TNRC6A: variants seen among roughly 807,000 people sequenced by gnomAD.
The protein encoded by TNRC6A is trinucleotide repeat-containing gene 6A protein.
Under a neutral mutation model 221.2 loss-of-function variants are expected in TNRC6A, and 44 were observed. The ratio of observed to expected loss-of-function variants is 0.20; its 90% CI spans 0.16 to 0.26. The LOEUF (loss-of-function observed/expected upper bound fraction) is 0.26. Among genes scored for constraint, TNRC6A ranks in the 10% least tolerant of loss-of-function variants. The probability of loss-of-function intolerance (pLI) is 1.00; values close to 1 mark genes in which losing one functional copy is unlikely to be tolerated. For missense variants in TNRC6A, 2,199 were observed against 2,404.4 expected, an observed-to-expected ratio of 0.91 and a Z score of 1.79; for synonymous variants, 847 against 838.5, an observed-to-expected ratio of 1.01 and a Z score of -0.18.
intron 2 of TNRC6A, among the ~76,000 whole-genome samples, chr16:24,709,952 G>C (rs1338435077): frequency 1.1e-4 from 17 of 151,960 alleles, no homozygotes; most frequent in Non-Finnish European, 1.8e-4. Context: ...AATATGCTGG[G>C]CGCAGTGGTT....
chr16:24,648,137 G>A (rs1285912430), intron 2 of TNRC6A, among the ~76,000 whole-genome samples: 2 of 152,050 alleles, frequency 1.3e-5, no homozygotes, highest in Non-Finnish European at 2.9e-5. Context: ...TGGGAATAAT[G>A]CTGCCATGAA....
At chr16:24,656,475 AAAAAAAG>A in intron 2 of TNRC6A, among the ~76,000 whole-genome samples, 1 of 151,632 alleles carries the variant, frequency 6.6e-6, no homozygotes, top group East Asian at 1.9e-4. Flanking sequence ...TCAAAAAAAA[AAAAAAAG>A]AGAGAGAGAG....
At chr16:24,663,947 G>A (rs2055089819) in intron 2 of TNRC6A, 2 of 456,582 alleles carry the variant, frequency 4.4e-6, no homozygotes, top group African/African-American at 4.0e-5. Context: ...CAGGTGAAGA[G>A]CCAGTCCTTC....
intron 2 of TNRC6A, among the ~76,000 whole-genome samples, chr16:24,723,446 C>T (rs2056444666): frequency 6.6e-6 from 1 of 151,956 alleles, no homozygotes; most frequent in Non-Finnish European, 1.5e-5. Flanking sequence ...ATACAAAAAT[C>T]AGCTGGGTGT....
chr16:24,791,472 C>A lies in TNRC6A; in HGVS notation c.2830C>A (p.Pro944Thr). ...WGDSSKPVSS[P>T]DWNKQQDIVG... ...AGATTCGTCAAAGCCAGTCAGCTCTCCAGACTGGAACAAGCAACAAGACAT... is the reference window on the plus strand; with the variant it reads ...AGATTCGTCAAAGCCAGTCAGCTCTACAGACTGGAACAAGCAACAAGACAT... Residue 944 changes from proline (P) to threonine (T), a missense_variant, in exon 6 of 25, where the codon CCA becomes ACA. Physicochemically the swap from Pro to Thr is conservative, Grantham distance 38. Around this residue, in one of 8 missense-constraint regions of TNRC6A, gnomAD observed 1,405 missense variants for 1,400.2 expected, o/e 1.00. Transcript: ENST00000395799. The A allele has an allele frequency of 1.3e-6, 2 of 1,532,248 alleles. No individual in the cohort carries two copies. 94.9% of individuals were successfully genotyped at this position (1,532,248 alleles called of 1,614,324 possible).
intron 2 of TNRC6A, 106 bp from the exon 3 acceptor site, chr16:24,750,620 G>A: frequency 7.9e-7 from 1 of 1,269,896 alleles, no homozygotes; most frequent in Non-Finnish European, 1.0e-6. Context: ...ATAATAATTT[G>A]CCATGTCTTC....
At chr16:24,804,933 T>G in intron 13 of TNRC6A, 81 bp from the exon 14 acceptor site, 1 of 1,613,622 alleles carries the variant, frequency 6.2e-7, no homozygotes, top group Non-Finnish European at 8.5e-7. Flanking sequence ...AGTTACTGTG[T>G]TTAAATCATA....
At chr16:24,652,478 G>T (rs1902727688) in intron 2 of TNRC6A, among the ~76,000 whole-genome samples, 1 of 152,074 alleles carries the variant, frequency 6.6e-6, no homozygotes, top group Non-Finnish European at 1.5e-5. Flanking sequence ...TAATATCCAG[G>T]TTACCCATCC....
Position 24,645,834 on chromosome 16 carries a change from C to CAAAAAAAAAAAAAAA in TNRC6A, n.402+4844_402+4858dup. Among the ~76,000 whole-genome samples, 134 of 26,644 alleles carry CAAAAAAAAAAAAAAA rather than the reference C, an allele frequency of 5.0e-3. 43 individuals are homozygous for CAAAAAAAAAAAAAAA. Among genetic ancestry groups the CAAAAAAAAAAAAAAA allele is most frequent in the Middle Eastern group, 0.12 (2 of 16 alleles). 17.5% of individuals were successfully genotyped at this position (26,644 alleles called of 152,430 possible). A position where few individuals can be genotyped will look rare whatever the true frequency, so the allele number is the denominator to read the frequency against. On this transcript the variant is annotated intron_variant and non_coding_transcript_variant, in intron 2 of 2. Coordinates refer to the TNRC6A transcript ENST00000566108. Reference sequence around the variant, plus strand: ...GAAACATGACAAGACCCTGTATCTACAAAAAAAAAAAAAAAAAAAAAAAAA... The same window carrying CAAAAAAAAAAAAAAA: ...GAAACATGACAAGACCCTGTATCTACAAAAAAAAAAAAAAAAAAAAAAAAAAAAAAAAAAAAAAAA...
intron 2 of TNRC6A, among the ~76,000 whole-genome samples, chr16:24,649,139 T>G (rs1902478427): frequency 6.6e-6 from 1 of 151,974 alleles, no homozygotes; most frequent in Non-Finnish European, 1.5e-5. Flanking sequence ...ATTAGCCTAC[T>G]CTGCCTCAAA....
intron 2 of TNRC6A, 61 bp from the exon 3 acceptor site, chr16:24,750,665 G>A: frequency 7.0e-7 from 1 of 1,435,168 alleles, no homozygotes. Context: ...GAATCTGTAT[G>A]CAACATTATT....
At chr16:24,788,405 T>C (rs577051467) in intron 5 of TNRC6A, among the ~76,000 whole-genome samples, 1 of 152,328 alleles carries the variant, frequency 6.6e-6, no homozygotes, top group East Asian at 1.9e-4. Flanking sequence ...TAGAATGTAA[T>C]GATAAAAGCT....
chr16:24,618,122 G>C (rs929152589), intron 1 of TNRC6A, among the ~76,000 whole-genome samples: 1 of 128,304 alleles, frequency 7.8e-6, no homozygotes, highest in Non-Finnish European at 1.7e-5. Flanking sequence ...GTTTCGCCAT[G>C]TTGCCCAGAC....
intron 4 of TNRC6A, among the ~76,000 whole-genome samples, chr16:24,761,342 C>G (rs1272999004): frequency 1.3e-5 from 2 of 152,166 alleles, no homozygotes; most frequent in African/African-American, 2.4e-5. Context: ...AAATATGTCT[C>G]TTACGAGTAT....
intron 2 of TNRC6A, chr16:24,664,078 C>T (rs56765650): frequency 0.17 from 63,819 of 379,496 alleles, 5,862 homozygotes; most frequent in Non-Finnish European, 0.19. Flanking sequence ...GTAATCCCAG[C>T]ACTTTGGGAG....
intron 6 of TNRC6A, 166 bp from the exon 7 acceptor site, chr16:24,793,307 T>C (rs1033693112): frequency 2.3e-6 from 1 of 434,938 alleles, no homozygotes; most frequent in Non-Finnish European, 3.9e-6. Context: ...TTTGTCTTTT[T>C]TTAACATAAA....
rs1420154351 is a variant in TNRC6A at position 24,805,020 on chromosome 16, A to G, written c.3991A>G (p.Asn1331Asp). The change falls in exon 14 of 25, where the codon AAT (asparagine) becomes GAT (aspartate). Residue 1331 changes from asparagine (N) to aspartate (D), a missense_variant. Coordinates refer to ENST00000395799, the MANE Select transcript of TNRC6A (RefSeq NM_014494.4). ...QNLNSVRQNGNPSMFGVGNTA... is the reference protein window; with the variant it reads ...QNLNSVRQNGDPSMFGVGNTA... ...TTGCTGTTTGTTTTTATAGAATGGCAATCCCAGTATGTTTGGTGTTGGAAA... is the reference window on the plus strand; with the variant it reads ...TTGCTGTTTGTTTTTATAGAATGGCGATCCCAGTATGTTTGGTGTTGGAAA... 9 of 1,614,086 alleles carry G rather than the reference A, an allele frequency of 5.6e-6. No individual in the cohort carries two copies. The Admixed American group carries it at 1.5e-4, about 27-fold the overall frequency.
Position 24,729,673 on chromosome 16 carries a change from C to G in TNRC6A, c.-169C>G. 1 of 677,662 alleles carries G rather than the reference C, an allele frequency of 1.5e-6. No homozygotes were observed. Among genetic ancestry groups the G allele is most frequent in the South Asian group, 4.8e-5 (1 of 20,632 alleles). 42.0% of individuals were successfully genotyped at this position (677,662 alleles called of 1,614,324 possible). Reference sequence around the variant, plus strand: ...TTCACTTCCGGTCTGGGGCCTGCGGCGGCGGCGGTGTCGGCGGCGGCGGCG... The same window carrying G: ...TTCACTTCCGGTCTGGGGCCTGCGGGGGCGGCGGTGTCGGCGGCGGCGGCG... On this transcript the variant is annotated 5_prime_UTR_variant, in exon 1 of 25. Transcript: ENST00000395799.
In TNRC6A at chr16:24,720,669, C is replaced by T. The variant is rs546031029; in HGVS notation, n.403-30057C>T. Among the ~76,000 whole-genome samples the T allele has an allele frequency of 3.9e-3, 416 of 107,786 alleles. 1 individual carries two copies. Among genetic ancestry groups the T allele is most frequent in the Non-Finnish European group, 4.3e-3 (245 of 57,154 alleles). 70.7% of individuals were successfully genotyped at this position (107,786 alleles called of 152,430 possible). ...TCATGCCATTGCACTACAGCCTGGG[C>T]GAGAAGAGCAAAACTTCATCTCAAA... On this transcript the variant is annotated intron_variant and non_coding_transcript_variant, in intron 2 of 2. Coordinates refer to the TNRC6A transcript ENST00000566108.
Sources: gnomAD v4.1 joint callset for allele counts (sites outside exome capture counted in the v4.1 genomes callset) on GRCh38, gnomAD v4.1.1 for gene constraint, gnomAD v4.1.1 regional missense constraint, MANE v1.5 for transcripts, NCBI Gene and HGNC (gene_info 2026-07-23, HGNC 2026-07-21) for gene names.